CTNNA3: variants seen among roughly 807,000 people sequenced by gnomAD.
The protein encoded by CTNNA3 is catenin alpha-3.
Under a neutral mutation model 95.7 loss-of-function variants are expected in CTNNA3, and 76 were observed. That is an observed-to-expected ratio of 0.79 (90% CI 0.66 to 0.96). CTNNA3 has a LOEUF of 0.96. Among genes scored for constraint, CTNNA3 ranks in the 40% least tolerant of loss-of-function variants. The pLI is 0.00. For missense variants in CTNNA3, 1,191 were observed against 1,089.8 expected, an observed-to-expected ratio of 1.09 and a Z score of -1.31; for synonymous variants, 431 against 374.4, an observed-to-expected ratio of 1.15 and a Z score of -1.74.
At chr10:67,286,999 G>C (rs1839630792) in intron 5 of CTNNA3, among the ~76,000 whole-genome samples, 1 of 152,022 alleles carries the variant, frequency 6.6e-6, no homozygotes, top group Non-Finnish European at 1.5e-5. Context: ...AATCCCCCTA[G>C]AAGCAAGAGC....
At chr10:67,534,246 C>T (rs1421084143) in intron 4 of CTNNA3, among the ~76,000 whole-genome samples, 2 of 152,026 alleles carry the variant, frequency 1.3e-5, no homozygotes, top group East Asian at 3.9e-4. Context: ...CACCAAAAAT[C>T]TATAATAGAT....
chr10:67,166,194 G>T (rs1332496979), intron 7 of CTNNA3, among the ~76,000 whole-genome samples: 2 of 152,098 alleles, frequency 1.3e-5, no homozygotes, highest in African/African-American at 2.4e-5. Flanking sequence ...TGCTAAAGAG[G>T]GCAGGTGATC....
intron 1 of CTNNA3, among the ~76,000 whole-genome samples, chr10:67,674,925 A>G (rs188479083): frequency 0.011 from 1,583 of 143,032 alleles, 24 homozygotes; most frequent in African/African-American, 0.037. Context: ...TCCCTTGAAC[A>G]TTGTAACATC....
At chr10:65,962,708 C>T (rs549725115) in intron 17 of CTNNA3, among the ~76,000 whole-genome samples, 16 of 138,302 alleles carry the variant, frequency 1.2e-4, no homozygotes, top group African/African-American at 4.2e-4. Flanking sequence ...CCTCCCCTAG[C>T]CCCCCACCCC....
chr10:67,097,890 A>G, intron 7 of CTNNA3: 5 of 1,046,308 alleles, frequency 4.8e-6, no homozygotes, highest in Non-Finnish European at 7.1e-6. Flanking sequence ...TAAAAACAAA[A>G]CAAAACACAA....
At chr10:66,566,089 G>C (rs1280803687) in intron 10 of CTNNA3, among the ~76,000 whole-genome samples, 1 of 152,154 alleles carries the variant, frequency 6.6e-6, no homozygotes, top group Non-Finnish European at 1.5e-5. Context: ...TCAGTGGGAG[G>C]AAAACATAAT....
At chr10:66,560,045 C>G (rs2132131262) in intron 10 of CTNNA3, among the ~76,000 whole-genome samples, 1 of 152,146 alleles carries the variant, frequency 6.6e-6, no homozygotes, top group East Asian at 1.9e-4. Context: ...GCATGACTCA[C>G]AGGGATTTCT....
chr10:65,999,060 T>C (rs1425976942), intron 15 of CTNNA3, among the ~76,000 whole-genome samples: 2 of 152,158 alleles, frequency 1.3e-5, no homozygotes, highest in Non-Finnish European at 2.9e-5. Context: ...TTTCTCTGAA[T>C]CTGCTGACAA....
chr10:65,933,211 C>T (rs1174492670), intron 17 of CTNNA3, among the ~76,000 whole-genome samples: 5 of 152,058 alleles, frequency 3.3e-5, no homozygotes, highest in African/African-American at 4.8e-5. Context: ...AAGCTTTTAA[C>T]CTAGGGGTCC....
At chr10:66,425,229 G>C (rs1365379600) in intron 11 of CTNNA3, among the ~76,000 whole-genome samples, 1 of 151,556 alleles carries the variant, frequency 6.6e-6, no homozygotes, top group African/African-American at 2.4e-5. Flanking sequence ...CTTTTTAAAA[G>C]ATATTTTCCT....
At chr10:66,476,815 A>G (rs1044973390) in intron 11 of CTNNA3, among the ~76,000 whole-genome samples, 1 of 152,024 alleles carries the variant, frequency 6.6e-6, no homozygotes, top group African/African-American at 2.4e-5. Context: ...AACTAGTTTG[A>G]TATTAATGAC....
chr10:67,756,162 G>T (rs1841431972), intron 1 of CTNNA3, among the ~76,000 whole-genome samples: 1 of 152,156 alleles, frequency 6.6e-6, no homozygotes, highest in African/African-American at 2.4e-5. Flanking sequence ...GGCCAGGTAG[G>T]GTGGGGGGAA....
chr10:66,086,962 A>C (rs1247289070), intron 14 of CTNNA3, among the ~76,000 whole-genome samples: 1 of 152,134 alleles, frequency 6.6e-6, no homozygotes, highest in African/African-American at 2.4e-5. Context: ...CTGAAAAATC[A>C]AGTTACAAGC....
At chr10:67,600,421 T>C (rs1334278439) in intron 3 of CTNNA3, among the ~76,000 whole-genome samples, 1 of 152,112 alleles carries the variant, frequency 6.6e-6, no homozygotes, top group Non-Finnish European at 1.5e-5. Context: ...ATGGTTAATA[T>C]TATGAAAGGG....
At chr10:67,333,671 C>T (rs539004860) in intron 5 of CTNNA3, among the ~76,000 whole-genome samples, 1 of 152,230 alleles carries the variant, frequency 6.6e-6, no homozygotes, top group African/African-American at 2.4e-5. Flanking sequence ...TCACTGAGTA[C>T]ATGATGGAGT....
intron 3 of CTNNA3, among the ~76,000 whole-genome samples, chr10:67,603,315 G>A (rs576889759): frequency 4.6e-5 from 7 of 152,256 alleles, no homozygotes; most frequent in African/African-American, 7.2e-5. Flanking sequence ...CGTACATGAC[G>A]GTGGTCCCAT....
At chr10:66,010,937 G>A (rs77166249) in intron 15 of CTNNA3, among the ~76,000 whole-genome samples, 1,923 of 152,298 alleles carry the variant, frequency 0.013, 32 homozygotes, top group African/African-American at 0.044. Flanking sequence ...ATTCTTAGTA[G>A]GCATAAGCCT....
intron 9 of CTNNA3, among the ~76,000 whole-genome samples, chr10:66,749,140 T>G (rs1217271797): frequency 7.3e-6 from 1 of 136,280 alleles, no homozygotes; most frequent in Non-Finnish European, 1.5e-5. Flanking sequence ...GAGGCAGAGG[T>G]TGCAGTGAGC....
At chr10:67,739,636 C>T (rs1024254163) in intron 1 of CTNNA3, among the ~76,000 whole-genome samples, 5 of 151,548 alleles carry the variant, frequency 3.3e-5, no homozygotes, top group Non-Finnish European at 5.9e-5. Flanking sequence ...AACTACAAAC[C>T]ACTGCTCAAG....
Sources: gnomAD v4.1 joint callset for allele counts (sites outside exome capture counted in the v4.1 genomes callset) on GRCh38, gnomAD v4.1.1 for gene constraint, MANE v1.5 for transcripts, NCBI Gene and HGNC (gene_info 2026-07-23, HGNC 2026-07-21) for gene names.